CEP350: variants seen among roughly 807,000 people sequenced by gnomAD.
CEP350 encodes the protein centrosomal protein 350, also known as centrosome-associated protein 350.
Under a neutral mutation model 331.8 loss-of-function variants are expected in CEP350, and 126 were observed. The ratio of observed to expected loss-of-function variants is 0.38; its 90% CI spans 0.33 to 0.44. The LOEUF is 0.44. Among genes scored for constraint, CEP350 ranks in the 20% least tolerant of loss-of-function variants. The pLI, the probability that CEP350 is intolerant of heterozygous loss-of-function variation, is 1.00. For synonymous variants in CEP350, 1,200 were observed against 1,259.5 expected (o/e 0.95, Z 1.00); for missense variants, 3,406 against 3,634.6 (o/e 0.94, Z 1.62).
chr1:180,016,785 C>T (rs187997215), intron 11 of CEP350, among the ~76,000 whole-genome samples: 1 of 151,170 alleles, frequency 6.6e-6, no homozygotes, highest in Non-Finnish European at 1.5e-5. Context: ...CCTCAACTTC[C>T]CACGTAGCTG....
At chr1:180,070,472 A>G (rs1033872431) in intron 27 of CEP350, among the ~76,000 whole-genome samples, 1 of 152,202 alleles carries the variant, frequency 6.6e-6, no homozygotes, top group Admixed American at 6.5e-5. Flanking sequence ...AAATATTCCA[A>G]CGGAGAAAGA....
chr1:180,010,330 A>C (rs1162993324), intron 8 of CEP350, among the ~76,000 whole-genome samples: 2 of 151,058 alleles, frequency 1.3e-5, no homozygotes, highest in Non-Finnish European at 2.9e-5. Context: ...ATATTGTATA[A>C]ATTTCTGTTT....
chr1:180,062,490 T>G, intron 26 of CEP350, 124 bp downstream of exon 26: 1 of 1,221,830 alleles, frequency 8.2e-7, no homozygotes, highest in Middle Eastern at 2.8e-4. Flanking sequence ...TAGGATAAAG[T>G]TCTATGGATG....
rs146082953 is a variant in CEP350 at position 180,016,814 on chromosome 1, A to G, written c.2174+844A>G. On this transcript the variant is annotated intron_variant, in intron 11 of 37. Coordinates refer to ENST00000367607, the MANE Select transcript of CEP350 (RefSeq NM_014810.5). Reference sequence around the variant, plus strand: ...GTAGCTGGGATTACAGGCATGTGCCACTACCACCTGGCTAATTTTTGTATT... The same window carrying G: ...GTAGCTGGGATTACAGGCATGTGCCGCTACCACCTGGCTAATTTTTGTATT... Among the ~76,000 whole-genome samples the G allele has an allele frequency of 1.6e-4, 24 of 152,140 alleles. No homozygotes were observed. The East Asian group carries it at 4.6e-3, about 29-fold the overall frequency.
chr1:180,022,899 AC>A (rs1655422557), intron 13 of CEP350, 51 bp downstream of exon 13: 1 of 1,498,104 alleles, frequency 6.7e-7, no homozygotes, highest in South Asian at 1.3e-5. Context: ...AGAAAAATGT[AC>A]AAATGAGAAC....
At chr1:180,088,838 G>A (rs1287900683) in intron 32 of CEP350, among the ~76,000 whole-genome samples, 1 of 152,124 alleles carries the variant, frequency 6.6e-6, no homozygotes, top group Non-Finnish European at 1.5e-5. Context: ...TAAGCATTGT[G>A]TATTAGCTGC....
intron 13 of CEP350, among the ~76,000 whole-genome samples, 184 bp downstream of exon 13, chr1:180,023,032 C>G (rs901252555): frequency 6.6e-6 from 1 of 152,094 alleles, no homozygotes; most frequent in Non-Finnish European, 1.5e-5. Context: ...TCCAGGCTCT[C>G]CTGGTTATTG....
intron 6 of CEP350, 24 bp from the exon 7 acceptor site, chr1:180,003,150 T>G: frequency 1.4e-6 from 2 of 1,440,802 alleles, no homozygotes; most frequent in Non-Finnish European, 1.9e-6. Context: ...GATAAGAATA[T>G]TCTGTGTTAC....
chr1:180,048,719 C>G lies in CEP350; in HGVS notation c.4792+14C>G. ...CTGATGAAAAAGGTAACTTTCTTTGCAAATAAATGTGTAATCATTTGTTCA... is the reference window on the plus strand; with the variant it reads ...CTGATGAAAAAGGTAACTTTCTTTGGAAATAAATGTGTAATCATTTGTTCA... On this transcript the variant is annotated intron_variant, in intron 22 of 37. Coordinates refer to ENST00000367607, the MANE Select transcript of CEP350 (RefSeq NM_014810.5). 6.3e-7 allele frequency: 1 copy of G among 1,588,078 alleles called. No individual in the cohort carries two copies. The highest frequency in any genetic ancestry group is 8.6e-7 in the Non-Finnish European group (1 of 1,162,242).
intron 6 of CEP350, among the ~76,000 whole-genome samples, chr1:179,998,295 T>C (rs113594173): frequency 0.13 from 19,499 of 148,110 alleles, 1,417 homozygotes; most frequent in South Asian, 0.16. Context: ...ATTTGTTTCT[T>C]CTATTTTCTT....
chr1:180,084,540 A>G (rs918832523), intron 31 of CEP350, among the ~76,000 whole-genome samples: 12 of 151,912 alleles, frequency 7.9e-5, no homozygotes, highest in African/African-American at 2.9e-4. Flanking sequence ...AATTTTTTGT[A>G]TATTTAGTAG....
At position 180,094,280 on chromosome 1, in the gene CEP350, A is replaced by C. The variant is rs1327656340; in HGVS notation, c.8175A>C (p.Arg2725Ser). The C allele has an allele frequency of 6.2e-7, 1 of 1,613,718 alleles. No individual in the cohort carries two copies. The highest frequency in any genetic ancestry group is 2.2e-5 in the East Asian group (1 of 44,876). The change falls in exon 34 of 38, where the codon AGA becomes AGC. Residue 2725 changes from arginine to serine, a missense_variant. Physicochemically the swap from Arg to Ser is moderately radical, Grantham distance 110. Around this residue, in one of 5 missense-constraint regions of CEP350, gnomAD observed 1,415 missense variants for 1,512.3 expected, o/e 0.94. Coordinates refer to ENST00000367607, the MANE Select transcript of CEP350 (RefSeq NM_014810.5). ...LCTPLLDLLTREKNQLEAQLK... is the reference protein window; with the variant it reads ...LCTPLLDLLTSEKNQLEAQLK... ...CACCACTTCTGGATCTTTTAACAAG[A>C]GAAAAAAACCAACTGGAAGCCCAGC...
At chr1:180,037,394 G>A (rs1308704609) in intron 17 of CEP350, among the ~76,000 whole-genome samples, 1 of 149,764 alleles carries the variant, frequency 6.7e-6, no homozygotes, top group Non-Finnish European at 1.5e-5. Context: ...TCATTGATAG[G>A]TGAGAGAATA....
chr1:179,956,403 A>C (rs16855014), intron 1 of CEP350, among the ~76,000 whole-genome samples: 1 of 152,306 alleles, frequency 6.6e-6, no homozygotes, highest in East Asian at 1.9e-4. Context: ...AGAGATGGCA[A>C]GTTGTATATG....
chr1:180,006,515 A>G lies in CEP350; in HGVS notation c.1194A>G (p.Pro398=). 1 of 1,556,314 alleles carries G rather than the reference A, an allele frequency of 6.4e-7. No individual in the cohort carries two copies. Among genetic ancestry groups the G allele is most frequent in the African/African-American group, 1.4e-5 (1 of 73,376 alleles). The change falls in exon 8 of 38, where the codon CCA becomes CCG. Residue 398 remains proline (P), a synonymous_variant. Coordinates refer to ENST00000367607, the MANE Select transcript of CEP350 (RefSeq NM_014810.5). The part of the protein sequence containing the change: ...EKSKEKKVVK[P]VRKVQKVAQL... Reference sequence around the variant, plus strand: ...GTAAAGAGAAGAAAGTAGTCAAGCCAGTACGAAAAGTCCAAAAAGTAGCAC... The same window carrying G: ...GTAAAGAGAAGAAAGTAGTCAAGCCGGTACGAAAAGTCCAAAAAGTAGCAC...
chr1:180,070,363 C>T (rs1265225170), intron 27 of CEP350, among the ~76,000 whole-genome samples: 1 of 152,054 alleles, frequency 6.6e-6, no homozygotes, highest in African/African-American at 2.4e-5. Context: ...ATGCAGGCGA[C>T]AATTATATCA....
intron 2 of CEP350, 151 bp from the exon 3 acceptor site, chr1:179,987,089 T>A (rs1652693266): frequency 1.9e-6 from 1 of 516,320 alleles, no homozygotes; most frequent in African/African-American, 2.0e-5. Context: ...TTTGACTCAA[T>A]ATAATAAAGC....
chr1:180,044,218 T>G (rs1656966800), intron 21 of CEP350, 45 bp downstream of exon 21: 1 of 1,480,116 alleles, frequency 6.8e-7, no homozygotes, highest in Non-Finnish European at 9.0e-7. Flanking sequence ...TAGTAGATTG[T>G]GATAAATGGC....
intron 32 of CEP350, among the ~76,000 whole-genome samples, chr1:180,089,456 G>A (rs561001629): frequency 7.8e-4 from 118 of 151,962 alleles, no homozygotes; most frequent in East Asian, 3.7e-3. Flanking sequence ...GGTGGTGTGC[G>A]ACTGTAATCC....
Sources: allele counts gnomAD v4.1 joint callset (sites outside exome capture counted in the v4.1 genomes callset), GRCh38; gene constraint gnomAD v4.1.1; regional missense constraint gnomAD v4.1.1; transcripts MANE v1.5; gene names NCBI Gene and HGNC (gene_info 2026-07-23, HGNC 2026-07-21).